RND3: variants seen among roughly 807,000 people sequenced by gnomAD.
RND3 encodes the protein Rho family GTPase 3.
Under a neutral mutation model 26.5 loss-of-function variants are expected in RND3, and 8 were observed. The ratio of observed to expected loss-of-function variants is 0.30; its 90% confidence interval spans 0.18 to 0.54. RND3 has a LOEUF of 0.54. RND3 is among the 20% of genes least tolerant of loss of function. The pLI is 0.94. For missense variants in RND3, 207 were observed against 302.8 expected, an observed-to-expected ratio of 0.68 and a Z score of 2.35; for synonymous variants, 113 against 113.0, an observed-to-expected ratio of 1.00 and a Z score of 0.00.
At chr2:150,471,364 G>A (rs1686085988) in intron 5 of RND3, among the ~76,000 whole-genome samples, 4 of 152,138 alleles carry the variant, frequency 2.6e-5, no homozygotes, top group Admixed American at 2.0e-4. Context: ...GAGTATTACT[G>A]ATTTTGACCA....
At chr2:150,487,136 G>A in intron 2 of RND3, 132 bp downstream of exon 2, 2 of 776,654 alleles carry the variant, frequency 2.6e-6, no homozygotes, top group Non-Finnish European at 3.8e-6. Context: ...AAAGTAGTAA[G>A]GACCGAGAAA....
chr2:150,472,605 T>A (rs1011197755), intron 4 of RND3, among the ~76,000 whole-genome samples: 1 of 151,978 alleles, frequency 6.6e-6, no homozygotes, highest in Non-Finnish European at 1.5e-5. Context: ...GAGTCAAGAG[T>A]TCAGGGCGGT....
At chr2:150,479,848 A>T (rs1016243556) in intron 3 of RND3, among the ~76,000 whole-genome samples, 20 of 152,108 alleles carry the variant, frequency 1.3e-4, no homozygotes, top group African/African-American at 4.1e-4. Flanking sequence ...TGCAACAAAC[A>T]CTCCCAGGAA....
In RND3 at chr2:150,487,179, G is replaced by A. The variant is rs948086680; in HGVS notation, c.150+89C>T. ...TTTTTTCTTTTTTTTTTTTTTTAAG[G>A]GAAAACGGATGAAAGCGGGGAGGCC... On this transcript the variant is annotated intron_variant, in intron 2 of 5. Transcript: ENST00000263895. 1.2e-5 allele frequency: 11 copies of A among 919,196 alleles called. No individual in the cohort carries two copies. In the African/African-American group the frequency reaches 1.9e-4, roughly 16 times the overall value. The allele number at this position is 919,196 out of a possible 1,614,324, so 56.9% of individuals were successfully genotyped here. A position where few individuals can be genotyped will look rare whatever the true frequency, so the allele number is the denominator to read the frequency against.
At chr2:150,487,160 C>T (rs72865945) in intron 2 of RND3, 108 bp downstream of exon 2, 117,487 of 472,120 alleles carry the variant, frequency 0.25, 4,696 homozygotes, top group African/African-American at 0.28. Flanking sequence ...TTTTTTTTTT[C>T]TTTTTTTTTT....
intron 4 of RND3, among the ~76,000 whole-genome samples, chr2:150,472,773 G>A (rs527765473): frequency 1.2e-4 from 18 of 152,188 alleles, no homozygotes; most frequent in Admixed American, 2.0e-4. Flanking sequence ...TCTTCTGGAA[G>A]GAAATTCACA....
intron 3 of RND3, among the ~76,000 whole-genome samples, chr2:150,479,522 T>A (rs1686235786): frequency 6.6e-6 from 1 of 152,162 alleles, no homozygotes; most frequent in South Asian, 2.1e-4. Context: ...CCTTAAGAAA[T>A]TTTTACCAAG....
In RND3 at chr2:150,486,873, C is replaced by T. The variant is rs907805418; in HGVS notation, c.151-92G>A. 2.2e-6 allele frequency: 2 copies of T among 893,880 alleles called. No individual in the cohort carries two copies. The highest frequency in any genetic ancestry group is 3.3e-5 in the African/African-American group (2 of 61,078). The allele number at this position is 893,880 out of a possible 1,614,324, so 55.4% of individuals were successfully genotyped here. A position where few individuals can be genotyped will look rare whatever the true frequency, so the allele number is the denominator to read the frequency against. On this transcript the variant is annotated intron_variant, in intron 2 of 5. Coordinates refer to ENST00000263895, the MANE Select transcript of RND3 (RefSeq NM_005168.5). The surrounding 1 kb of genome is among the most constrained non-coding windows in gnomAD (Gnocchi z 4.5). The stretch of plus-strand genomic sequence containing the variant: ...ACCCATTGAACACCCTTCCCCTCCC[C>T]GCTCCCCAGTTAAGAAAGAAAACCT...
intron 3 of RND3, among the ~76,000 whole-genome samples, chr2:150,481,286 G>A (rs564127290): frequency 6.6e-5 from 10 of 152,178 alleles, no homozygotes; most frequent in African/African-American, 1.9e-4. Context: ...TAGAACCTCC[G>A]GGCTCACCAT....
chr2:150,482,539 G>A (rs1686291277), intron 3 of RND3, among the ~76,000 whole-genome samples: 1 of 152,126 alleles, frequency 6.6e-6, no homozygotes, highest in Non-Finnish European at 1.5e-5. Context: ...ATTTTATAAT[G>A]AAAAATATTT....
intron 2 of RND3, 72 bp downstream of exon 2, chr2:150,487,195 CG>C: frequency 2.9e-6 from 3 of 1,026,696 alleles, no homozygotes; most frequent in Non-Finnish European, 3.9e-6. Flanking sequence ...CGGATGAAAG[CG>C]GGGAGGCCCA....
At chr2:150,481,789 A>G (rs374406813) in intron 3 of RND3, among the ~76,000 whole-genome samples, 2 of 152,158 alleles carry the variant, frequency 1.3e-5, no homozygotes, top group African/African-American at 4.8e-5. Context: ...TTCTGGATTA[A>G]TTATATACTA....
chr2:150,469,906 A>G lies in RND3; in HGVS notation c.*81T>C. On this transcript the variant is annotated 3_prime_UTR_variant, in exon 6 of 6. Coordinates refer to ENST00000263895, the MANE Select transcript of RND3 (RefSeq NM_005168.5). ...CTGGTATACATGACTTTGGCTGTGC[A>G]CTTCATTTAGACTTCACCTTTTTGT... 1 of 1,524,132 alleles carries G rather than the reference A, an allele frequency of 6.6e-7. No homozygotes were observed. The highest frequency in any genetic ancestry group is 9.0e-7 in the Non-Finnish European group (1 of 1,115,242). 94.4% of individuals were successfully genotyped at this position (1,524,132 alleles called of 1,614,324 possible). A position where few individuals can be genotyped will look rare whatever the true frequency, so the allele number is the denominator to read the frequency against.
chr2:150,482,589 T>A (rs754225967), intron 3 of RND3, among the ~76,000 whole-genome samples: 24 of 152,148 alleles, frequency 1.6e-4, no homozygotes, highest in Admixed American at 3.3e-4. Flanking sequence ...AAAAATTCCC[T>A]CTTTTAGATG....
chr2:150,473,135 G>A (rs555523107), intron 4 of RND3, among the ~76,000 whole-genome samples: 1 of 145,900 alleles, frequency 6.9e-6, no homozygotes, highest in South Asian at 2.2e-4. Context: ...GAAGTGGAAG[G>A]TGAACTGGAA....
chr2:150,485,889 A>G (rs1473455533), intron 3 of RND3, among the ~76,000 whole-genome samples: 1 of 151,732 alleles, frequency 6.6e-6, no homozygotes, highest in African/African-American at 2.4e-5. Flanking sequence ...AATATAACCC[A>G]CCGCGGCGCC....
rs561950810 is a variant in RND3, at chr2:150,481,122, C to T, written c.238+5572G>A. 5.9e-5 allele frequency among the ~76,000 whole-genome samples: 9 copies of T among 152,280 alleles called. No homozygotes were observed. In the East Asian group the frequency reaches 1.4e-3, roughly 23 times the overall value. Reference sequence around the variant, plus strand: ...TAAGCGAGTTTCCACGTGGAAGAAACGTTAAAAACTTCTTAGAACTTAGTC... The same window carrying T: ...TAAGCGAGTTTCCACGTGGAAGAAATGTTAAAAACTTCTTAGAACTTAGTC... On this transcript the variant is annotated intron_variant, in intron 3 of 5. Transcript: ENST00000263895.
intron 3 of RND3, among the ~76,000 whole-genome samples, chr2:150,477,369 T>TA (rs1686186877): frequency 6.6e-6 from 1 of 151,974 alleles, no homozygotes; most frequent in African/African-American, 2.4e-5. Flanking sequence ...CTTTTCCAAA[T>TA]AAAAAAATTA....
At position 150,487,160 on chromosome 2, in the gene RND3, CTTTTTTTTTTT is replaced by C. The variant is rs1411913210; in HGVS notation, c.150+97_150+107del. 30 of 489,042 alleles carry C rather than the reference CTTTTTTTTTTT, an allele frequency of 6.1e-5. No individual in the cohort carries two copies. In the South Asian group the frequency reaches 1.6e-3, roughly 26 times the overall value. The allele number at this position is 489,042 out of a possible 1,614,324, so 30.3% of individuals were successfully genotyped here. A position where few individuals can be genotyped will look rare whatever the true frequency, so the allele number is the denominator to read the frequency against. The stretch of plus-strand genomic sequence containing the variant: ...AGGACCGAGAAAGACTTTTTTTTTT[CTTTTTTTTTTT>C]TTTTAAGGGAAAACGGATGAAAGCG... On this transcript the variant is annotated intron_variant, in intron 2 of 5. Transcript: ENST00000263895.
Sources: gnomAD v4.1 joint callset for allele counts (sites outside exome capture counted in the v4.1 genomes callset) on GRCh38, gnomAD v4.1.1 for gene constraint, Gnocchi (gnomAD v3.1) non-coding constraint, MANE v1.5 for transcripts, NCBI Gene and HGNC (gene_info 2026-07-23, HGNC 2026-07-21) for gene names.